Variants in SASH1 observed in about 807,000 individuals in gnomAD.
SASH1 encodes the protein SAM and SH3 domain containing 1, also known as SAM and SH3 domain-containing protein 1.
Under a neutral mutation model 125.2 loss-of-function variants are expected in SASH1, and 44 were observed. The ratio of observed to expected loss-of-function variants is 0.35; its 90% CI spans 0.28 to 0.45. SASH1 has a LOEUF of 0.45. Among genes scored for constraint, SASH1 ranks in the 20% least tolerant of loss-of-function variants. SASH1 has a pLI of 1.00. For synonymous variants in SASH1, 639 were observed against 649.1 expected (o/e 0.98, Z 0.24); for missense variants, 1,426 against 1,614.5 (o/e 0.88, Z 2.00).
rs551677229 is a variant in SASH1 at position 148,544,841 on chromosome 6, C to G, written c.3348+23C>G. ...AAGGTATCAAAGGTCCTGGGCCCAC[C>G]ACGTTCACAGGCCTTTGTTTGTAGA... On this transcript the variant is annotated intron_variant, in intron 18 of 19. Transcript: ENST00000367467. The surrounding 1 kb of genome is among the most constrained non-coding windows in gnomAD (Gnocchi z 6.4). The G allele has an allele frequency of 2.6e-6, 4 of 1,541,018 alleles. No individual in the cohort carries two copies. Among genetic ancestry groups the G allele is most frequent in the African/African-American group, 1.4e-5 (1 of 73,322 alleles).
intron 6 of SASH1, among the ~76,000 whole-genome samples, chr6:148,471,996 C>A (rs574874351): frequency 1.3e-5 from 2 of 152,120 alleles, no homozygotes; most frequent in African/African-American, 2.4e-5. Context: ...TTTGCCCGGG[C>A]GGCTTTGTGA....
Position 148,544,896 on chromosome 6 carries a change from A to G in SASH1, c.3348+78A>G. 7.1e-7 allele frequency: 1 copy of G among 1,413,852 alleles called. No homozygotes were observed. Among genetic ancestry groups the G allele is most frequent in the Non-Finnish European group, 9.4e-7 (1 of 1,062,080 alleles). 87.6% of individuals were successfully genotyped at this position (1,413,852 alleles called of 1,614,324 possible). A position where few individuals can be genotyped will look rare whatever the true frequency, so the allele number is the denominator to read the frequency against. On this transcript the variant is annotated intron_variant, in intron 18 of 19. Transcript: ENST00000367467. The surrounding 1 kb of genome is among the most constrained non-coding windows in gnomAD (Gnocchi z 6.4). The stretch of plus-strand genomic sequence containing the variant: ...AGGCAGCCAGGTGAGATGAACCCAC[A>G]TCTGAAGCCAGCCCGGTAGCCCGCC...
intron 1 of SASH1, among the ~76,000 whole-genome samples, chr6:148,277,654 G>A (rs1457018308): frequency 5.3e-5 from 8 of 152,310 alleles, no homozygotes; most frequent in Middle Eastern, 3.4e-3. Flanking sequence ...AAAGACAATT[G>A]TGCTTTATTT....
rs562122523 is a variant in SASH1 at position 148,448,321 on chromosome 6, G to A, written c.386+7914G>A. Among the ~76,000 whole-genome samples, 16 of 152,150 alleles carry A rather than the reference G, an allele frequency of 1.1e-4. No homozygotes were observed. The East Asian group carries it at 1.6e-3, about 15-fold the overall frequency. ...TTTACTCTAGAAAAATCTTCTTGCCGTTCTTCCAGACTATGTTTCTTTTTC... is the reference window on the plus strand; with the variant it reads ...TTTACTCTAGAAAAATCTTCTTGCCATTCTTCCAGACTATGTTTCTTTTTC... On this transcript the variant is annotated intron_variant, in intron 4 of 19. Transcript: ENST00000367467.
intron 1 of SASH1, among the ~76,000 whole-genome samples, chr6:148,349,144 G>A (rs1431282994): frequency 1.3e-5 from 2 of 151,882 alleles, no homozygotes; most frequent in African/African-American, 4.8e-5. Flanking sequence ...TGCTGATGTT[G>A]CTGGATAAGG....
upstream of SASH1, among the ~76,000 whole-genome samples, chr6:148,338,050 TGG>T (rs765919908): frequency 0.16 from 24,198 of 151,816 alleles, 2,149 homozygotes; most frequent in East Asian, 0.27. Context: ...CCATCTTCAA[TGG>T]AATATCTACA....
chr6:148,483,632 T>C (rs1349618109), intron 7 of SASH1, among the ~76,000 whole-genome samples: 2 of 152,192 alleles, frequency 1.3e-5, no homozygotes, highest in Admixed American at 6.5e-5. Context: ...GAGTTTGTCA[T>C]GCCAGGGATG....
chr6:148,230,992 C>G, the SASH1 span, among the ~76,000 whole-genome samples: 2 of 152,130 alleles, frequency 1.3e-5, no homozygotes, highest in African/African-American at 4.8e-5. Flanking sequence ...TAAGATCTAA[C>G]TTACCTATTT....
chr6:148,289,170 C>A (rs1779560818), intron 1 of SASH1, among the ~76,000 whole-genome samples: 1 of 152,148 alleles, frequency 6.6e-6, no homozygotes, highest in Non-Finnish European at 1.5e-5. Flanking sequence ...CACTAAAACA[C>A]AACATCAGTT....
intron 4 of SASH1, among the ~76,000 whole-genome samples, chr6:148,451,370 A>G (rs536491080): frequency 1.3e-5 from 2 of 152,376 alleles, no homozygotes; most frequent in East Asian, 3.9e-4. Flanking sequence ...AACATTATAA[A>G]GACACCTCTA....
At chr6:148,218,257 G>A in the SASH1 span, among the ~76,000 whole-genome samples, 1 of 151,936 alleles carries the variant, frequency 6.6e-6, no homozygotes, top group Non-Finnish European at 1.5e-5. Context: ...TAGCTGCCAA[G>A]CAACCATGGA....
chr6:148,327,317 C>G (rs988394034), intron 1 of SASH1, among the ~76,000 whole-genome samples: 1 of 150,322 alleles, frequency 6.7e-6, no homozygotes, highest in African/African-American at 2.4e-5. Context: ...TGGAGTCTCG[C>G]TCTGTCGCCC....
chr6:148,452,580 C>A (rs1777152155), intron 4 of SASH1, among the ~76,000 whole-genome samples: 1 of 152,214 alleles, frequency 6.6e-6, no homozygotes, highest in South Asian at 2.1e-4. Context: ...TATTCGAATT[C>A]TTTACGCCTC....
intron 1 of SASH1, among the ~76,000 whole-genome samples, chr6:148,307,094 TTCTCTCTCTCTGTC>T (rs1780164118): frequency 8.3e-6 from 1 of 120,690 alleles, no homozygotes; most frequent in African/African-American, 3.2e-5. Context: ...CTTTCTTTCT[TTCTCTCTCTCTGTC>T]TCTTTCTTTC....
intron 1 of SASH1, among the ~76,000 whole-genome samples, chr6:148,326,377 T>TATA (rs1780825015): frequency 3.0e-5 from 1 of 33,452 alleles, no homozygotes; most frequent in Non-Finnish European, 6.4e-5. Flanking sequence ...TATATATACA[T>TATA]TCTTTTCTTT....
chr6:148,539,991 A>ATAAC (rs1782119373), intron 16 of SASH1, among the ~76,000 whole-genome samples: 1 of 152,170 alleles, frequency 6.6e-6, no homozygotes, highest in Admixed American at 6.5e-5. Flanking sequence ...AGTTGGCAAC[A>ATAAC]TAACTGTCTT....
At chr6:148,325,607 G>A (rs947835790) in intron 1 of SASH1, among the ~76,000 whole-genome samples, 3 of 151,868 alleles carry the variant, frequency 2.0e-5, no homozygotes, top group African/African-American at 4.8e-5. Context: ...CAGATCTTAC[G>A]AGAACTCACC....
intron 1 of SASH1, among the ~76,000 whole-genome samples, chr6:148,318,485 T>C (rs963587142): frequency 2.0e-5 from 3 of 152,170 alleles, no homozygotes; most frequent in Non-Finnish European, 2.9e-5. Context: ...CTTACTGTAC[T>C]GCAAACATGG....
chr6:148,206,705 G>C, the SASH1 span, among the ~76,000 whole-genome samples: 1 of 151,002 alleles, frequency 6.6e-6, no homozygotes, highest in Non-Finnish European at 1.5e-5. Context: ...CAGGAGAATC[G>C]CTTAAACCTG....
Sources: gnomAD v4.1 joint callset for allele counts (sites outside exome capture counted in the v4.1 genomes callset) on GRCh38, gnomAD v4.1.1 for gene constraint, Gnocchi (gnomAD v3.1) non-coding constraint, MANE v1.5 for transcripts, NCBI Gene and HGNC (gene_info 2026-07-23, HGNC 2026-07-21) for gene names.